Variants in GRTP1 observed in about 807,000 individuals in gnomAD.
GRTP1 encodes the protein growth hormone-regulated TBC protein 1.
In GRTP1, 56 loss-of-function variants were observed where a neutral mutation model predicts 38.1. The observed-to-expected ratio is 1.47, with a 90% CI of 1.19 to 1.84. GRTP1 has a LOEUF of 1.84. Among genes scored for constraint, GRTP1 ranks in the 40% most tolerant of loss-of-function variants. The pLI, the probability that GRTP1 is intolerant of heterozygous loss-of-function variation, is 0.00. For synonymous variants in GRTP1, 217 were observed against 189.5 expected (o/e 1.14, Z -1.19); for missense variants, 506 against 453.9 (o/e 1.11, Z -1.04).
At chr13:113,330,663 C>G (rs1275163512) in intron 5 of GRTP1, among the ~76,000 whole-genome samples, 1 of 93,504 alleles carries the variant, frequency 1.1e-5, no homozygotes, top group South Asian at 4.4e-4. Flanking sequence ...CAGGTGTGTG[C>G]ATGGAAACCC....
intron 2 of GRTP1, 55 bp from the exon 3 acceptor site, chr13:113,355,536 C>T: frequency 1.3e-6 from 2 of 1,513,796 alleles, no homozygotes; most frequent in African/African-American, 1.4e-5. Flanking sequence ...CTGCGGGGCC[C>T]ACGCGTTCCT....
Position 113,344,839 on chromosome 13 carries a change from A to G in GRTP1, c.562+24T>C, listed in dbSNP as rs372165046. 7.6e-6 allele frequency: 12 copies of G among 1,588,894 alleles called. No individual in the cohort carries two copies. The African/African-American group carries it at 1.1e-4, about 14-fold the overall frequency. On this transcript the variant is annotated intron_variant, in intron 5 of 7. Transcript: ENST00000375431. ...GCACCAGAAACAGGACAGTTCGGGC[A>G]TACCGCAGGAATTTTCAACATACCT...
chr13:113,336,530 G>T (rs58936805), intron 5 of GRTP1, among the ~76,000 whole-genome samples: 1 of 151,776 alleles, frequency 6.6e-6, no homozygotes, highest in South Asian at 2.1e-4. Flanking sequence ...CTGAAGAACA[G>T]GGGGGCTCTG....
At position 113,350,930 on chromosome 13, in the gene GRTP1, G is replaced by A. The variant is rs749254169; in HGVS notation, c.384C>T (p.Thr128=). Residue 128 remains threonine (T), a synonymous_variant, in exon 4 of 8, where the codon ACC becomes ACT. Transcript: ENST00000375431. ...GGGTCCTCTGTAAGCAGGGGTCCGT[G>A]GTCTTCCGGAACTTCACGTTGTCGG... is the stretch of plus-strand genomic sequence containing the variant. The part of the protein sequence containing the change: ...TFPDNVKFRK[T]TDPCLQRTLY... 2 of 1,613,694 alleles carry A rather than the reference G, an allele frequency of 1.2e-6. No individual in the cohort carries two copies. Among genetic ancestry groups the A allele is most frequent in the South Asian group, 2.2e-5 (2 of 91,074 alleles).
chr13:113,340,578 G>A (rs55997516), intron 5 of GRTP1, among the ~76,000 whole-genome samples: 36,548 of 151,660 alleles, frequency 0.24, 6,088 homozygotes, highest in African/African-American at 0.48. Context: ...TCAGGAGTTT[G>A]AGACCAGCCT....
At chr13:113,353,168 G>C (rs1030613092) in intron 3 of GRTP1, among the ~76,000 whole-genome samples, 5 of 145,634 alleles carry the variant, frequency 3.4e-5, no homozygotes, top group African/African-American at 1.3e-4. Flanking sequence ...CCACACTCTG[G>C]GTAGGAACCC....
At chr13:113,338,087 G>C (rs560160295) in intron 5 of GRTP1, among the ~76,000 whole-genome samples, 15 of 152,208 alleles carry the variant, frequency 9.9e-5, no homozygotes, top group African/African-American at 3.6e-4. Context: ...GCAGTCTTCC[G>C]AGACAGGGCC....
intron 7 of GRTP1, chr13:113,324,974 G>A (rs183875542): frequency 3.2e-5 from 17 of 523,446 alleles, no homozygotes; most frequent in East Asian, 1.3e-4. Context: ...CTACATAAGC[G>A]TGAGCCACCA....
chr13:113,357,261 A>G (rs1379261840), intron 2 of GRTP1, among the ~76,000 whole-genome samples: 1 of 152,056 alleles, frequency 6.6e-6, no homozygotes, highest in African/African-American at 2.4e-5. Context: ...CCTGGCCAAC[A>G]TGGTGAAACC....
intron 5 of GRTP1, among the ~76,000 whole-genome samples, chr13:113,329,208 A>G (rs2042820213): frequency 6.6e-6 from 1 of 152,194 alleles, no homozygotes; most frequent in Admixed American, 6.5e-5. Context: ...CTCCCTGGCC[A>G]CCGACAGTTA....
At position 113,344,953 on chromosome 13, in the gene GRTP1, T is replaced by C; in HGVS notation, c.472A>G (p.Asn158Asp). ...NQGVGYCQGM[N>D]FIAGYLILIT... ...AGAATCAGATATCCTGCTATAAAAT[T>C]CATTCCCTGAAATTAGAAAAATGAG... The change falls in exon 5 of 8, where the codon AAT becomes GAT. Residue 158 changes from asparagine (N) to aspartate (D), a missense_variant. Asn to Asp is a conservative substitution (Grantham distance 23). Transcript: ENST00000375431. 1.3e-6 allele frequency: 2 copies of C among 1,592,030 alleles called. No homozygotes were observed. Among genetic ancestry groups the C allele is most frequent in the Non-Finnish European group, 1.7e-6 (2 of 1,174,148 alleles).
intron 7 of GRTP1, 155 bp from the exon 8 acceptor site, chr13:113,324,732 TCTCA>T: frequency 1.4e-6 from 2 of 1,419,736 alleles, no homozygotes; most frequent in Non-Finnish European, 1.8e-6. Flanking sequence ...ATTGTCACCA[TCTCA>T]CTCCTGCCCT....
At chr13:113,355,208 G>A (rs1382540941) in intron 3 of GRTP1, 115 bp downstream of exon 3, 1 of 1,033,130 alleles carries the variant, frequency 9.7e-7, no homozygotes. Context: ...GTAACTTCAA[G>A]TTAAAAGCAG....
At chr13:113,362,969 G>C (rs1004203144) in intron 2 of GRTP1, among the ~76,000 whole-genome samples, 2 of 152,208 alleles carry the variant, frequency 1.3e-5, no homozygotes, top group Non-Finnish European at 2.9e-5. Flanking sequence ...CACTGCCCCA[G>C]GTTCTGAGGA....
intron 2 of GRTP1, among the ~76,000 whole-genome samples, chr13:113,357,106 T>C (rs1158555139): frequency 6.6e-6 from 1 of 151,262 alleles, no homozygotes; most frequent in South Asian, 2.1e-4. Context: ...GGTCAAGAGA[T>C]CGAGACCATC....
chr13:113,346,187 TGTGGCTGAGAGCAGACCC>T (rs2043119083), intron 4 of GRTP1, among the ~76,000 whole-genome samples: 2 of 142,738 alleles, frequency 1.4e-5, no homozygotes, highest in East Asian at 2.2e-4. Flanking sequence ...GGAGGACCTC[TGTGGCTGAGAGCAGACCC>T]GGGAGGACCT....
At chr13:113,326,877 A>G (rs1306750509) in intron 5 of GRTP1, among the ~76,000 whole-genome samples, 1 of 152,220 alleles carries the variant, frequency 6.6e-6, no homozygotes, top group Non-Finnish European at 1.5e-5. Context: ...GTCAGGCCAC[A>G]GCAGCGGGAG....
chr13:113,326,510 A>C lies in GRTP1; in HGVS notation c.563-419T>G, dbSNP rs561374840. ...CATGGCTGAAACCCCGTCTCTACTA[A>C]AAATACAAAAATTAGCCAGGTGTGG... On this transcript the variant is annotated intron_variant, in intron 5 of 7. Transcript: ENST00000375431. Among the ~76,000 whole-genome samples the C allele has an allele frequency of 2.0e-5, 3 of 152,132 alleles. No individual in the cohort carries two copies. The South Asian group carries it at 6.2e-4, about 32-fold the overall frequency.
At chr13:113,358,883 A>G (rs1306957920) in intron 2 of GRTP1, among the ~76,000 whole-genome samples, 1 of 152,236 alleles carries the variant, frequency 6.6e-6, no homozygotes, top group Non-Finnish European at 1.5e-5. Flanking sequence ...TTAAACATGC[A>G]CTTGTCACAC....
Sources: allele counts gnomAD v4.1 joint callset (sites outside exome capture counted in the v4.1 genomes callset), GRCh38; gene constraint gnomAD v4.1.1; transcripts MANE v1.5; gene names NCBI Gene and HGNC (gene_info 2026-07-23, HGNC 2026-07-21).